ZNF366: variants seen among roughly 807,000 people sequenced by gnomAD.
The protein encoded by ZNF366 is dendritic cell-specific transcript protein.
ZNF366 carries 20 observed loss-of-function variants against 47.2 expected under a neutral mutation model. The observed-to-expected ratio is 0.42, with a 90% confidence interval of 0.30 to 0.62. The LOEUF is 0.62. Among genes scored for constraint, ZNF366 ranks in the 20% least tolerant of loss-of-function variants. ZNF366 has a pLI of 0.16. For synonymous variants in ZNF366, 421 were observed against 395.1 expected, an observed-to-expected ratio of 1.07 and a Z score of -0.78; for missense variants, 987 against 976.3, an observed-to-expected ratio of 1.01 and a Z score of -0.15.
At chr5:72,491,496 A>C (rs1744007802) in intron 1 of ZNF366, among the ~76,000 whole-genome samples, 1 of 152,106 alleles carries the variant, frequency 6.6e-6, no homozygotes, top group Non-Finnish European at 1.5e-5. Flanking sequence ...GGAGTCAGGC[A>C]CCCCCGGGTT....
At chr5:72,473,660 C>T (rs558214126) in intron 1 of ZNF366, among the ~76,000 whole-genome samples, 9 of 152,280 alleles carry the variant, frequency 5.9e-5, no homozygotes, top group African/African-American at 1.4e-4. Context: ...AGCTTCTTCC[C>T]GGAAACCTTT....
chr5:72,472,826 G>A (rs1258051511), intron 1 of ZNF366, among the ~76,000 whole-genome samples: 1 of 152,140 alleles, frequency 6.6e-6, no homozygotes, highest in Non-Finnish European at 1.5e-5. Flanking sequence ...CTTAAAAGCT[G>A]CTTTCAGGGT....
chr5:72,491,300 T>G (rs1017728025), intron 1 of ZNF366, among the ~76,000 whole-genome samples: 1 of 152,196 alleles, frequency 6.6e-6, no homozygotes. Context: ...TTGTCCACTC[T>G]AAGCCCTCTT....
At chr5:72,480,369 C>G (rs902936523) in intron 1 of ZNF366, among the ~76,000 whole-genome samples, 5 of 152,128 alleles carry the variant, frequency 3.3e-5, no homozygotes, top group African/African-American at 9.7e-5. Context: ...TAAGTGCTTT[C>G]CCGTAACTTA....
At chr5:72,471,878 G>A (rs1170922301) in intron 1 of ZNF366, among the ~76,000 whole-genome samples, 2 of 151,992 alleles carry the variant, frequency 1.3e-5, no homozygotes, top group Non-Finnish European at 2.9e-5. Flanking sequence ...AAGAGACGGG[G>A]TCTCACTTTG....
chr5:72,500,366 T>G lies in ZNF366; in HGVS notation c.-15+6885A>C, dbSNP rs143887877. On this transcript the variant is annotated intron_variant, in intron 1 of 4. Transcript: ENST00000318442. ...ACCCTCCCTGGGGGCTTCCTTACCC[T>G]GAGCCAGCAGCTTGAATAATAAGCA... Among the ~76,000 whole-genome samples, 1,429 of 152,318 alleles carry G rather than the reference T, an allele frequency of 9.4e-3. 15 individuals carry two copies. The highest frequency in any genetic ancestry group is 0.034 in the Middle Eastern group (10 of 294).
intron 2 of ZNF366, among the ~76,000 whole-genome samples, chr5:72,458,794 GT>G (rs1168233756): frequency 6.6e-6 from 1 of 152,184 alleles, no homozygotes; most frequent in African/African-American, 2.4e-5. Context: ...ACCTCTCACT[GT>G]TTGCTGACAC....
At chr5:72,468,122 A>G (rs1185866178) in intron 1 of ZNF366, among the ~76,000 whole-genome samples, 1 of 152,182 alleles carries the variant, frequency 6.6e-6, no homozygotes, top group Non-Finnish European at 1.5e-5. Context: ...TCATTTGTAG[A>G]TATTTGGCAA....
chr5:72,457,252 G>A (rs1743211166), intron 2 of ZNF366, among the ~76,000 whole-genome samples: 1 of 152,178 alleles, frequency 6.6e-6, no homozygotes, highest in African/African-American at 2.4e-5. Context: ...TAAGGAACAG[G>A]ACAGGAGGCT....
intron 1 of ZNF366, among the ~76,000 whole-genome samples, chr5:72,506,927 G>C (rs1744330561): frequency 6.6e-6 from 1 of 152,178 alleles, no homozygotes; most frequent in Non-Finnish European, 1.5e-5. Context: ...CTGAGGAAGA[G>C]CAAATTCTCC....
intron 2 of ZNF366, among the ~76,000 whole-genome samples, chr5:72,459,732 A>C (rs1743263145): frequency 6.6e-6 from 1 of 152,360 alleles, no homozygotes; most frequent in African/African-American, 2.4e-5. Flanking sequence ...CCACTGCTTC[A>C]ACAGTACAAG....
rs1027226283 is a variant in ZNF366, at chr5:72,459,239, C to A, written c.1332+926G>T. Among the ~76,000 whole-genome samples, 19 of 152,328 alleles carry A rather than the reference C, an allele frequency of 1.2e-4. 1 individual carries two copies. The highest frequency in any genetic ancestry group is 4.6e-4 in the African/African-American group (19 of 41,572). On this transcript the variant is annotated intron_variant, in intron 2 of 4. Transcript: ENST00000318442. ...TGGCTGGGCAAAGTCCTCTCCTGAC[C>A]TTTCAGAATTAAAGAATGCTTTAGA...
chr5:72,471,860 T>A (rs1373692271), intron 1 of ZNF366, among the ~76,000 whole-genome samples: 3 of 152,024 alleles, frequency 2.0e-5, no homozygotes, highest in Admixed American at 1.3e-4. Context: ...TAAAAAAAAT[T>A]TTTTTTTAAG....
Position 72,507,263 on chromosome 5 carries a change from T to C in ZNF366, c.-27A>G. 1 of 985,504 alleles carries C rather than the reference T, an allele frequency of 1.0e-6. No homozygotes were observed. Among genetic ancestry groups the C allele is most frequent in the Non-Finnish European group, 1.2e-6 (1 of 830,040 alleles). The allele number at this position is 985,504 out of a possible 1,614,324, so 61.0% of individuals were successfully genotyped here. On this transcript the variant is annotated 5_prime_UTR_variant, in exon 1 of 5. Coordinates refer to ENST00000318442, the MANE Select transcript of ZNF366 (RefSeq NM_152625.3). The stretch of plus-strand genomic sequence containing the variant: ...ATGGGTAACTTACCAGCTCCTGAGG[T>C]CTGAATGGCTGCAGCAGCCCCACTC...
At chr5:72,501,607 C>T (rs1654437921) in intron 1 of ZNF366, among the ~76,000 whole-genome samples, 1 of 152,194 alleles carries the variant, frequency 6.6e-6, no homozygotes, top group Non-Finnish European at 1.5e-5. Flanking sequence ...TGAATTTACC[C>T]CATGGTGTTT....
Position 72,443,739 on chromosome 5 carries a change from A to G in ZNF366, c.*17T>C. Reference sequence around the variant, plus strand: ...GCCTCCTTCTCATTTTCCAAATGTAATTTTAAAACTGTCCACTTAGATACC... The same window carrying G: ...GCCTCCTTCTCATTTTCCAAATGTAGTTTTAAAACTGTCCACTTAGATACC... On this transcript the variant is annotated 3_prime_UTR_variant, in exon 5 of 5. Transcript: ENST00000318442. The G allele has an allele frequency of 6.3e-7, 1 of 1,592,852 alleles. No individual in the cohort carries two copies. The highest frequency in any genetic ancestry group is 1.4e-5 in the African/African-American group (1 of 73,682).
intron 3 of ZNF366, 43 bp downstream of exon 3, chr5:72,456,361 C>G (rs1016394451): frequency 6.5e-7 from 1 of 1,548,754 alleles, no homozygotes; most frequent in Non-Finnish European, 8.8e-7. Flanking sequence ...TCCCATCAGG[C>G]ATTTGCACAA....
intron 2 of ZNF366, among the ~76,000 whole-genome samples, chr5:72,456,855 C>A (rs191032767): frequency 1.5e-3 from 227 of 152,208 alleles, no homozygotes; most frequent in Non-Finnish European, 2.7e-3. Flanking sequence ...TTTTGTTGTT[C>A]CAGCTGCTGC....
At chr5:72,477,911 CTA>C (rs1743707472) in intron 1 of ZNF366, among the ~76,000 whole-genome samples, 1 of 151,680 alleles carries the variant, frequency 6.6e-6, no homozygotes, top group Non-Finnish European at 1.5e-5. Flanking sequence ...GACCTGAGGT[CTA>C]TAGTTTGCCA....
Sources: gnomAD v4.1 joint callset for allele counts (sites outside exome capture counted in the v4.1 genomes callset) on GRCh38, gnomAD v4.1.1 for gene constraint, MANE v1.5 for transcripts, NCBI Gene and HGNC (gene_info 2026-07-23, HGNC 2026-07-21) for gene names.